The following RBFOX1 variants were observed in gnomAD, a reference collection of about 807,000 sequenced individuals.
RBFOX1 encodes the protein RNA binding protein fox-1 homolog 1.
Under a neutral mutation model 57.7 loss-of-function variants are expected in RBFOX1, and 8 were observed. That is an observed-to-expected ratio of 0.14 (90% confidence interval 0.08 to 0.25). RBFOX1 has a LOEUF of 0.25. Among genes scored for constraint, RBFOX1 ranks in the 10% least tolerant of loss-of-function variants. The pLI is 1.00. For missense variants in RBFOX1, 611 were observed against 548.5 expected, an observed-to-expected ratio of 1.11 and a Z score of -1.14; for synonymous variants, 326 against 222.4, an observed-to-expected ratio of 1.47 and a Z score of -4.15.
chr16:6,450,816 T>TATATAC (rs1481528490), intron 2 of RBFOX1, among the ~76,000 whole-genome samples: 5 of 22,020 alleles, frequency 2.3e-4, no homozygotes, highest in African/African-American at 1.0e-3. Context: ...TATATATATA[T>TATATAC]ACATATATAT....
intron 3 of RBFOX1, among the ~76,000 whole-genome samples, chr16:6,673,105 A>G (rs1317562280): frequency 6.6e-6 from 1 of 152,156 alleles, no homozygotes; most frequent in Non-Finnish European, 1.5e-5. Context: ...TAAATGCAAC[A>G]CTTGCTTATA....
At chr16:5,926,196 A>G (rs1036457551) in intron 4 of RBFOX1, among the ~76,000 whole-genome samples, 1 of 152,262 alleles carries the variant, frequency 6.6e-6, no homozygotes, top group African/African-American at 2.4e-5. Context: ...GATACTATTT[A>G]AAATGAGATA....
At chr16:5,248,560 C>T (rs1468313244) in intron 1 of RBFOX1, among the ~76,000 whole-genome samples, 1 of 152,194 alleles carries the variant, frequency 6.6e-6, no homozygotes, top group Non-Finnish European at 1.5e-5. Flanking sequence ...ACCTCACCAG[C>T]TGAGGATCAG....
intron 2 of RBFOX1, among the ~76,000 whole-genome samples, chr16:6,472,408 G>A (rs996776394): frequency 3.3e-5 from 5 of 152,146 alleles, no homozygotes; most frequent in Non-Finnish European, 7.4e-5. Context: ...ATGCCCCCAA[G>A]CATGTGAGAT....
At chr16:6,000,324 T>C (rs1322234919) in intron 4 of RBFOX1, among the ~76,000 whole-genome samples, 1 of 152,130 alleles carries the variant, frequency 6.6e-6, no homozygotes, top group Admixed American at 6.5e-5. Context: ...GCAGACATGA[T>C]GAAGATCATG....
intron 4 of RBFOX1, among the ~76,000 whole-genome samples, chr16:7,063,889 C>A (rs995276583): frequency 6.6e-6 from 1 of 152,184 alleles, no homozygotes; most frequent in Non-Finnish European, 1.5e-5. Context: ...AATATCACTC[C>A]ATTTTATATC....
intron 4 of RBFOX1, among the ~76,000 whole-genome samples, chr16:7,165,041 G>C (rs995241781): frequency 6.6e-5 from 10 of 152,120 alleles, no homozygotes; most frequent in Non-Finnish European, 1.0e-4. Flanking sequence ...AAAGCTTCTG[G>C]GTCATAAAGG....
intron 2 of RBFOX1, among the ~76,000 whole-genome samples, chr16:6,317,700 A>AGCTCT (rs2081285211): frequency 6.6e-6 from 1 of 152,028 alleles, no homozygotes; most frequent in African/African-American, 2.4e-5. Flanking sequence ...CAATTTTCTC[A>AGCTCT]GCTCTCTTTT....
chr16:5,924,956 G>A (rs1010377635), intron 4 of RBFOX1, among the ~76,000 whole-genome samples: 3 of 152,172 alleles, frequency 2.0e-5, no homozygotes, highest in African/African-American at 7.2e-5. Context: ...AGTGCCCTAA[G>A]TTGGTTCAGG....
intron 2 of RBFOX1, among the ~76,000 whole-genome samples, chr16:5,565,544 G>C (rs2046034929): frequency 6.6e-6 from 1 of 151,976 alleles, no homozygotes; most frequent in Non-Finnish European, 1.5e-5. Flanking sequence ...AGAATCACTT[G>C]AACCCGGGAG....
At chr16:6,915,312 G>A (rs923800733) in intron 3 of RBFOX1, among the ~76,000 whole-genome samples, 3 of 152,120 alleles carry the variant, frequency 2.0e-5, no homozygotes, top group Non-Finnish European at 4.4e-5. Context: ...TTGCGGACTA[G>A]GGAGCTAACT....
chr16:7,009,312 C>G (rs1022964896), intron 3 of RBFOX1, among the ~76,000 whole-genome samples: 3 of 148,298 alleles, frequency 2.0e-5, no homozygotes, highest in Non-Finnish European at 3.0e-5. Flanking sequence ...TTCCTTCTTT[C>G]TCTTTCTTTG....
intron 3 of RBFOX1, among the ~76,000 whole-genome samples, chr16:6,662,032 C>G (rs1276993312): frequency 2.0e-5 from 3 of 151,244 alleles, no homozygotes; most frequent in African/African-American, 2.4e-5. Flanking sequence ...AAGCCACACA[C>G]AGAAAGGCAA....
chr16:6,543,718 G>A (rs1284871297), intron 2 of RBFOX1, among the ~76,000 whole-genome samples: 2 of 151,986 alleles, frequency 1.3e-5, no homozygotes, highest in African/African-American at 4.8e-5. Context: ...GTCTTTCCCC[G>A]AGGTTCACAC....
intron 4 of RBFOX1, among the ~76,000 whole-genome samples, chr16:5,910,629 C>T (rs72769097): frequency 0.076 from 11,506 of 152,150 alleles, 604 homozygotes; most frequent in Non-Finnish European, 0.11. Context: ...TCCGGAGTGG[C>T]TTTTTGGTCC....
chr16:6,970,553 C>A (rs2085311636), intron 3 of RBFOX1, among the ~76,000 whole-genome samples: 1 of 152,102 alleles, frequency 6.6e-6, no homozygotes, highest in Non-Finnish European at 1.5e-5. Flanking sequence ...TGAGTCTCTG[C>A]CTTATAACTG....
At chr16:6,985,141 T>C (rs2089963821) in intron 3 of RBFOX1, among the ~76,000 whole-genome samples, 1 of 151,670 alleles carries the variant, frequency 6.6e-6, no homozygotes, top group Non-Finnish European at 1.5e-5. Flanking sequence ...CCCTACCCTC[T>C]TCTTTCCTCT....
chr16:6,157,512 CT>C (rs1264956838), intron 1 of RBFOX1, among the ~76,000 whole-genome samples: 1 of 152,080 alleles, frequency 6.6e-6, no homozygotes, highest in Admixed American at 6.5e-5. Context: ...TGTGGTAATC[CT>C]ATTCTGCCAG....
At chr16:5,629,306 C>T (rs2048434538) in intron 3 of RBFOX1, among the ~76,000 whole-genome samples, 3 of 152,182 alleles carry the variant, frequency 2.0e-5, no homozygotes, top group Non-Finnish European at 2.9e-5. Flanking sequence ...ATTTAGGGCT[C>T]AGGTGCTAGT....
Sources: gnomAD v4.1 joint callset for allele counts (sites outside exome capture counted in the v4.1 genomes callset) on GRCh38, gnomAD v4.1.1 for gene constraint, MANE v1.5 for transcripts, NCBI Gene and HGNC (gene_info 2026-07-23, HGNC 2026-07-21) for gene names.